Variants in INTS15 observed in about 807,000 individuals in gnomAD.
The protein encoded by INTS15 is integrator complex subunit 15.
At chr7:6,592,336 G>C in the INTS15 span, among the ~76,000 whole-genome samples, 772 of 152,090 alleles carry the variant, frequency 5.1e-3, 5 homozygotes, top group South Asian at 0.013. Flanking sequence ...GAGGCCGAAG[G>C]GGGGCAGATC....
chr7:6,604,509 G>A, the INTS15 span, among the ~76,000 whole-genome samples: 7 of 152,142 alleles, frequency 4.6e-5, no homozygotes, highest in African/African-American at 1.7e-4. Context: ...TTCCTTCAGA[G>A]CCCTCACACT....
chr7:6,592,848 G>C, the INTS15 span, among the ~76,000 whole-genome samples: 7 of 151,978 alleles, frequency 4.6e-5, no homozygotes, highest in Admixed American at 3.3e-4. Context: ...GAGGTCAAGC[G>C]ATCCTCCTGC....
chr7:6,591,624 T>C, the INTS15 span: 1 of 1,604,930 alleles, frequency 6.2e-7, no homozygotes, highest in Non-Finnish European at 8.5e-7. Flanking sequence ...TTCTTAACGC[T>C]TTTCCGGGAT....
the INTS15 span, among the ~76,000 whole-genome samples, chr7:6,595,372 C>G: frequency 6.6e-6 from 1 of 152,078 alleles, no homozygotes; most frequent in African/African-American, 2.4e-5. Flanking sequence ...CTGTGTTGCC[C>G]AGTGTGGTTT....
chr7:6,603,965 A>G, the INTS15 span, among the ~76,000 whole-genome samples: 909 of 152,260 alleles, frequency 6.0e-3, 7 homozygotes, highest in Middle Eastern at 0.017. Flanking sequence ...TCGCAACTGT[A>G]CTACCTGGGC....
the INTS15 span, chr7:6,602,686 A>G: frequency 2.1e-6 from 1 of 471,206 alleles, no homozygotes; most frequent in Admixed American, 2.3e-5. Context: ...GATGAGACCC[A>G]GTGGTGTTTG....
chr7:6,594,401 C>G, the INTS15 span: 49 of 1,611,944 alleles, frequency 3.0e-5, no homozygotes, highest in Non-Finnish European at 4.1e-5. Context: ...CTCACGACAT[C>G]TGTAGTTAAG....
the INTS15 span, among the ~76,000 whole-genome samples, chr7:6,598,303 C>A: frequency 6.6e-6 from 1 of 152,086 alleles, no homozygotes; most frequent in Admixed American, 6.6e-5. Flanking sequence ...AACCCCATCT[C>A]TACTAAAAAT....
the INTS15 span, among the ~76,000 whole-genome samples, chr7:6,593,032 T>C: frequency 6.6e-6 from 1 of 152,232 alleles, no homozygotes; most frequent in African/African-American, 2.4e-5. Context: ...TTTTTACCTG[T>C]GGCATCTCAC....
chr7:6,594,578 C>T, the INTS15 span: 59 of 1,614,076 alleles, frequency 3.7e-5, no homozygotes, highest in East Asian at 1.1e-4. Flanking sequence ...CCTCCGTTAC[C>T]GCGCTCTATG....
chr7:6,602,281 CACGT>C, the INTS15 span: 1 of 638,022 alleles, frequency 1.6e-6, no homozygotes, highest in South Asian at 2.0e-5. Flanking sequence ...TCAGAAAACG[CACGT>C]GAATGGAACT....
At chr7:6,591,623 C>CT in the INTS15 span, 1 of 1,604,314 alleles carries the variant, frequency 6.2e-7, no homozygotes. Context: ...TTTCTTAACG[C>CT]TTTTCCGGGA....
At chr7:6,598,954 CTTTT>C in the INTS15 span, among the ~76,000 whole-genome samples, 6 of 151,934 alleles carry the variant, frequency 3.9e-5, no homozygotes, top group Non-Finnish European at 7.4e-5. Flanking sequence ...TGCCGGCTAA[CTTTT>C]AAGAATTTTT....
At chr7:6,608,390 G>T in the INTS15 span, 1 of 1,399,464 alleles carries the variant, frequency 7.1e-7, no homozygotes, top group Non-Finnish European at 9.3e-7. Flanking sequence ...AGCCTGCTGC[G>T]TGCATTTTTA....
At chr7:6,602,412 C>T in the INTS15 span, among the ~76,000 whole-genome samples, 46,523 of 152,000 alleles carry the variant, frequency 0.31, 7,298 homozygotes, top group Admixed American at 0.39. Flanking sequence ...GTGGGTGTGG[C>T]GCAGGGGGCC....
chr7:6,599,250 A>C, the INTS15 span, among the ~76,000 whole-genome samples: 1 of 152,160 alleles, frequency 6.6e-6, no homozygotes, highest in Admixed American at 6.6e-5. Flanking sequence ...AAGTGTCACC[A>C]TCTGTTCTTC....
chr7:6,607,014 T>A, the INTS15 span, among the ~76,000 whole-genome samples: 2 of 151,974 alleles, frequency 1.3e-5, no homozygotes, highest in Admixed American at 6.6e-5. This position sits in a 1 kb window ranked among gnomAD's most constrained non-coding sequence, Gnocchi z 6.0. Context: ...AGGTTCTGAC[T>A]GGGGAGAACC....
chr7:6,593,080 A>G, the INTS15 span, among the ~76,000 whole-genome samples: 1 of 152,050 alleles, frequency 6.6e-6, no homozygotes, highest in African/African-American at 2.4e-5. Context: ...TCATTTCCTC[A>G]CCTGAAGGCA....
the INTS15 span, among the ~76,000 whole-genome samples, chr7:6,605,163 A>G: frequency 6.6e-6 from 1 of 151,844 alleles, no homozygotes; most frequent in African/African-American, 2.4e-5. Flanking sequence ...TAATTTTTGT[A>G]TTTTTAGTAG....
Sources: gnomAD v4.1 joint callset for allele counts (sites outside exome capture counted in the v4.1 genomes callset) on GRCh38, gnomAD v4.1.1 for gene constraint, Gnocchi (gnomAD v3.1) non-coding constraint, MANE v1.5 for transcripts, NCBI Gene and HGNC (gene_info 2026-07-23, HGNC 2026-07-21) for gene names.